Variants in POLM observed in about 807,000 individuals in gnomAD.
POLM encodes the protein DNA-directed DNA/RNA polymerase mu.
In POLM, 52 loss-of-function variants were observed where a neutral mutation model predicts 56.7. The ratio of observed to expected loss-of-function variants is 0.92; its 90% CI spans 0.73 to 1.15. POLM has a LOEUF of 1.15. Ranked by LOEUF, POLM falls within the 50% of genes most tolerant of loss-of-function variation. POLM has a pLI of 0.00. For missense variants in POLM, 660 were observed against 663.6 expected (o/e 0.99, Z 0.06); for synonymous variants, 273 against 274.3 (o/e 1.00, Z 0.05).
Position 44,078,814 on chromosome 7 carries a change from G to T in POLM, c.643-3C>A, listed in dbSNP as rs765606277. On this transcript the variant is annotated splice_region_variant and splice_polypyrimidine_tract_variant and intron_variant, in intron 4 of 10. Coordinates refer to ENST00000242248, the MANE Select transcript of POLM (RefSeq NM_013284.4). ...CACACTCCATGCTCCAGCAGCTCCT[G>T]GGGGAGGGAACAAAGCAGAACTCTA... 5.0e-6 allele frequency: 8 copies of T among 1,612,574 alleles called. No individual in the cohort carries two copies. In the East Asian group the frequency reaches 1.3e-4, roughly 27 times the overall value.
chr7:44,078,552 GC>G (rs1245851541), intron 5 of POLM, 187 bp downstream of exon 5: 1 of 584,482 alleles, frequency 1.7e-6, no homozygotes, highest in Non-Finnish European at 3.1e-6. Context: ...CTTCTTCCTT[GC>G]CTGTCTCCAC....
Position 44,082,345 on chromosome 7 carries a change from T to C in POLM, c.94A>G (p.Ile32Val), listed in dbSNP as rs1288382668. 1.3e-6 allele frequency: 2 copies of C among 1,560,206 alleles called. No homozygotes were observed. The highest frequency in any genetic ancestry group is 1.7e-6 in the Non-Finnish European group (2 of 1,160,358). Residue 32 changes from isoleucine to valine, a missense_variant, in exon 1 of 11, where the codon ATC becomes GTC. Transcript: ENST00000242248. ...PPSTRFPGVA[I>V]YLVEPRMGRS... ...CCCATGCGAGGCTCGACCAGGTAGATGGCGACTCCCGGGAAGCGCGTCGAG... is the reference window on the plus strand; with the variant it reads ...CCCATGCGAGGCTCGACCAGGTAGACGGCGACTCCCGGGAAGCGCGTCGAG...
chr7:44,076,498 G>A lies in POLM; in HGVS notation c.835+11C>T. On this transcript the variant is annotated intron_variant, in intron 6 of 10. Coordinates refer to ENST00000242248, the MANE Select transcript of POLM (RefSeq NM_013284.4). ...GGGAAGCCCAGGGCCCAGCCTCTCT[G>A]GAGGGCTCACCCGCTTTCTGCTGTT... The A allele has an allele frequency of 6.2e-7, 1 of 1,613,898 alleles. No individual in the cohort carries two copies. The highest frequency in any genetic ancestry group is 8.5e-7 in the Non-Finnish European group (1 of 1,179,932).
Position 44,076,597 on chromosome 7 carries a change from C to T in POLM, c.747G>A (p.Lys249=), listed in dbSNP as rs776356250. Residue 249 remains lysine, a synonymous_variant, in exon 6 of 11, where the codon AAG becomes AAA. Coordinates refer to ENST00000242248, the MANE Select transcript of POLM (RefSeq NM_013284.4). ...CTTCCCGGTACCACCGGTCAGCAGT[C>T]TTCACACCGACCCCGAAGATCTGGG... ...LFTQIFGVGV[K]TADRWYREGL... 3.1e-6 allele frequency: 5 copies of T among 1,614,144 alleles called. No individual in the cohort carries two copies. Among genetic ancestry groups the T allele is most frequent in the Non-Finnish European group, 4.2e-6 (5 of 1,180,030 alleles).
At position 44,076,507 on chromosome 7, in the gene POLM, AC is replaced by A. The variant is rs1274869048; in HGVS notation, c.835+1del. 1.2e-6 allele frequency: 2 copies of A among 1,613,092 alleles called. No homozygotes were observed. Among genetic ancestry groups the A allele is most frequent in the South Asian group, 2.2e-5 (2 of 91,008 alleles). ...AGGGCCCAGCCTCTCTGGAGGGCTC[AC>A]CCGCTTTCTGCTGTTGGGTTAGTTT... is the stretch of plus-strand genomic sequence containing the variant. On this transcript the variant is annotated splice_donor_variant, in intron 6 of 10. Transcript: ENST00000242248. LOFTEE classifies it high-confidence loss of function.
rs775660212 is a variant in POLM, at chr7:44,073,973, C to G, written c.1124G>C (p.Arg375Pro). Residue 375 changes from arginine (R) to proline (P), a missense_variant, in exon 9 of 11, where the codon CGC becomes CCC. Physicochemically the swap from Arg to Pro is moderately radical, Grantham distance 103. Coordinates refer to ENST00000242248, the MANE Select transcript of POLM (RefSeq NM_013284.4). ...GTCCATGTGGCTCTGTTGGGCCAGG[C>G]GGGTAGGGGACTCACAGCAGCTGTG... ...HQHSCCESPTRLAQQSHMDAF... is the reference protein window; with the variant it reads ...HQHSCCESPTPLAQQSHMDAF... 12 of 1,614,022 alleles carry G rather than the reference C, an allele frequency of 7.4e-6. No individual in the cohort carries two copies. The African/African-American group carries it at 1.2e-4, about 16-fold the overall frequency.
intron 1 of POLM, among the ~76,000 whole-genome samples, chr7:44,081,561 T>C (rs543282482): frequency 6.6e-6 from 1 of 152,244 alleles, no homozygotes; most frequent in African/African-American, 2.4e-5. Context: ...TCCCTTACTC[T>C]GGGTGTTGTC....
intron 1 of POLM, among the ~76,000 whole-genome samples, chr7:44,081,659 G>A (rs918916548): frequency 6.6e-6 from 1 of 152,086 alleles, no homozygotes; most frequent in African/African-American, 2.4e-5. Flanking sequence ...GGACAGAGGA[G>A]CCTGCGGGCT....
intron 1 of POLM, 71 bp from the exon 2 acceptor site, chr7:44,080,987 C>T (rs967192855): frequency 7.5e-7 from 1 of 1,330,544 alleles, no homozygotes; most frequent in African/African-American, 1.5e-5. Context: ...TCCAAGCCTT[C>T]ACTCTTGCCG....
chr7:44,074,543 C>G lies in POLM; in HGVS notation c.836-13G>C. The G allele has an allele frequency of 1.3e-6, 2 of 1,544,454 alleles. No homozygotes were observed. ...TGGTGCTGGAGCCCTGGGGGCAACACCGGCCCTCCTGACTCACCCAGCCTG... is the reference window on the plus strand; with the variant it reads ...TGGTGCTGGAGCCCTGGGGGCAACAGCGGCCCTCCTGACTCACCCAGCCTG... On this transcript the variant is annotated splice_polypyrimidine_tract_variant and intron_variant, in intron 6 of 10. Coordinates refer to ENST00000242248, the MANE Select transcript of POLM (RefSeq NM_013284.4).
intron 1 of POLM, 42 bp downstream of exon 1, chr7:44,082,209 G>A (rs901667933): frequency 7.1e-7 from 1 of 1,405,038 alleles, no homozygotes; most frequent in Non-Finnish European, 9.2e-7. Flanking sequence ...TCCAAAACCA[G>A]AAGTGCCATG....
chr7:44,081,744 C>CTTTTTT lies in POLM; in HGVS notation c.188+501_188+506dup, dbSNP rs1183469734. Among the ~76,000 whole-genome samples the CTTTTTT allele has an allele frequency of 1.9e-3, 237 of 125,346 alleles. 5 individuals carry two copies. The highest frequency in any genetic ancestry group is 2.4e-3 in the African/African-American group (77 of 31,904). 82.2% of individuals were successfully genotyped at this position (125,346 alleles called of 152,430 possible). A position where few individuals can be genotyped will look rare whatever the true frequency, so the allele number is the denominator to read the frequency against. ...GCAGAAGGGCTGTTAGCAAATACGACTTTTTTTTTTTTTTTTTTTGAGACA... is the reference window on the plus strand; with the variant it reads ...GCAGAAGGGCTGTTAGCAAATACGACTTTTTTTTTTTTTTTTTTTTTTTTTGAGACA... On this transcript the variant is annotated intron_variant, in intron 1 of 10. Coordinates refer to ENST00000242248, the MANE Select transcript of POLM (RefSeq NM_013284.4).
chr7:44,080,064 T>A, intron 2 of POLM, 105 bp from the exon 3 acceptor site: 1 of 782,160 alleles, frequency 1.3e-6, no homozygotes, highest in South Asian at 1.5e-5. Context: ...TCGGGCCCTC[T>A]GGAGCTCATG....
chr7:44,080,633 G>A, intron 2 of POLM, 100 bp downstream of exon 2: 4 of 1,259,238 alleles, frequency 3.2e-6, no homozygotes, highest in Non-Finnish European at 4.6e-6. Flanking sequence ...TCCTCTGAAG[G>A]ACATTGAGGC....
chr7:44,073,895 G>C lies in POLM; in HGVS notation c.1202C>G (p.Ala401Gly), dbSNP rs771252737. 2 of 1,614,206 alleles carry C rather than the reference G, an allele frequency of 1.2e-6. No individual in the cohort carries two copies. Among genetic ancestry groups the C allele is most frequent in the South Asian group, 2.2e-5 (2 of 91,086 alleles). The change falls in exon 9 of 11, where the codon GCT (alanine) becomes GGT (glycine). Residue 401 changes from alanine to glycine, a missense_variant. Physicochemically the swap from Ala to Gly is moderately conservative, Grantham distance 60. Transcript: ENST00000242248. ...IFRLPQPPGA[A>G]VGGSTRPCPS... Reference sequence around the variant, plus strand: ...GCAGGGCCTCGTGGATCCCCCCACAGCAGCCCCTGGAGGTTGTGGTAGGCG... The same window carrying C: ...GCAGGGCCTCGTGGATCCCCCCACACCAGCCCCTGGAGGTTGTGGTAGGCG...
rs971619462 is a variant in POLM, at chr7:44,072,723, T to C, written c.*568A>G. ...GCGCTGCAGTACTGAAGCCCCATAGTTGAAAATTATCTTCCTCCCAGCTCC... is the reference window on the plus strand; with the variant it reads ...GCGCTGCAGTACTGAAGCCCCATAGCTGAAAATTATCTTCCTCCCAGCTCC... On this transcript the variant is annotated 3_prime_UTR_variant, in exon 11 of 11. Transcript: ENST00000242248. 1.2e-4 allele frequency: 24 copies of C among 205,288 alleles called. No individual in the cohort carries two copies. Among genetic ancestry groups the C allele is most frequent in the African/African-American group, 2.8e-4 (12 of 43,250 alleles). 12.7% of individuals were successfully genotyped at this position (205,288 alleles called of 1,614,324 possible). A position where few individuals can be genotyped will look rare whatever the true frequency, so the allele number is the denominator to read the frequency against.
intron 1 of POLM, 34 bp from the exon 2 acceptor site, chr7:44,080,950 T>G: frequency 1.3e-6 from 2 of 1,528,902 alleles, no homozygotes; most frequent in Non-Finnish European, 1.8e-6. Context: ...AGGAGGAGGG[T>G]GAGGCCCAGA....
At chr7:44,077,971 C>T (rs1164145832) in intron 5 of POLM, among the ~76,000 whole-genome samples, 1 of 152,188 alleles carries the variant, frequency 6.6e-6, no homozygotes, top group Non-Finnish European at 1.5e-5. Context: ...CCTATCAGAC[C>T]AGGAGTGAGC....
rs1243669065 is a variant in POLM, at chr7:44,080,107, T to A, written c.373-148A>T. The A allele has an allele frequency of 1.2e-5, 8 of 661,474 alleles. No individual in the cohort carries two copies. In the East Asian group the frequency reaches 2.2e-4, roughly 18 times the overall value. The allele number at this position is 661,474 out of a possible 1,614,324, so 41.0% of individuals were successfully genotyped here. On this transcript the variant is annotated intron_variant, in intron 2 of 10. Coordinates refer to ENST00000242248, the MANE Select transcript of POLM (RefSeq NM_013284.4). ...GGTGGGCAACAAAACACCAGCGGCATGAGGCTGAGGGAGGCACCGCCCTGC... is the reference window on the plus strand; with the variant it reads ...GGTGGGCAACAAAACACCAGCGGCAAGAGGCTGAGGGAGGCACCGCCCTGC...
Sources: gnomAD v4.1 joint callset for allele counts (sites outside exome capture counted in the v4.1 genomes callset) on GRCh38, gnomAD v4.1.1 for gene constraint, MANE v1.5 for transcripts, NCBI Gene and HGNC (gene_info 2026-07-23, HGNC 2026-07-21) for gene names.